ARHGAP25: variants seen among roughly 807,000 people sequenced by gnomAD.
ARHGAP25 encodes the protein Rho GTPase activating protein 25.
Under a neutral mutation model 71.0 loss-of-function variants are expected in ARHGAP25, and 34 were observed. The ratio of observed to expected loss-of-function variants is 0.48; its 90% CI spans 0.36 to 0.64. The LOEUF (loss-of-function observed/expected upper bound fraction) is 0.64. Among genes scored for constraint, ARHGAP25 ranks in the 30% least tolerant of loss-of-function variants. The pLI, the probability that ARHGAP25 is intolerant of heterozygous loss-of-function variation, is 0.00. For missense variants in ARHGAP25, 706 were observed against 805.1 expected, an observed-to-expected ratio of 0.88 and a Z score of 1.49; for synonymous variants, 282 against 296.5, an observed-to-expected ratio of 0.95 and a Z score of 0.50.
At chr2:68,754,908 G>A (rs1676388551) in intron 1 of ARHGAP25, among the ~76,000 whole-genome samples, 1 of 149,622 alleles carries the variant, frequency 6.7e-6, no homozygotes, top group African/African-American at 2.5e-5. Flanking sequence ...AAATTTTCTT[G>A]TTTTCTTATT....
intron 4 of ARHGAP25, among the ~76,000 whole-genome samples, chr2:68,793,780 AT>A (rs1159608818): frequency 1.3e-5 from 2 of 152,032 alleles, no homozygotes; most frequent in East Asian, 3.8e-4. Context: ...TTAAATATAA[AT>A]TTTAGGTTTT....
chr2:68,726,593 A>T (rs1411904822), intron 2 of ARHGAP25, among the ~76,000 whole-genome samples: 1 of 152,240 alleles, frequency 6.6e-6, no homozygotes, highest in Admixed American at 6.5e-5. Context: ...GCCTCCAGAT[A>T]TAAATTTTTT....
chr2:68,743,132 T>C (rs1675605018), intron 1 of ARHGAP25, among the ~76,000 whole-genome samples: 1 of 152,196 alleles, frequency 6.6e-6, no homozygotes, highest in Non-Finnish European at 1.5e-5. Flanking sequence ...CCTCAAACTT[T>C]CCTTGCTTTG....
At chr2:68,758,828 T>G (rs1454370832) in intron 1 of ARHGAP25, among the ~76,000 whole-genome samples, 1 of 151,924 alleles carries the variant, frequency 6.6e-6, no homozygotes, top group Non-Finnish European at 1.5e-5. Flanking sequence ...CACATGGATA[T>G]TTTCTAGGAT....
intron 9 of ARHGAP25, among the ~76,000 whole-genome samples, chr2:68,821,906 G>GTTTTTTTTTTTTT (rs59964574): frequency 9.8e-5 from 8 of 81,632 alleles, no homozygotes; most frequent in Non-Finnish European, 1.8e-4. Flanking sequence ...CTTTTTGCTA[G>GTTTTTTTTTTTTT]TTTTTTTTTT....
upstream of ARHGAP25, among the ~76,000 whole-genome samples, chr2:68,730,216 A>G (rs1051971912): frequency 3.3e-5 from 5 of 152,272 alleles, no homozygotes. Context: ...GAAGTAGGAA[A>G]CCAAGAATGG....
In ARHGAP25 at chr2:68,822,434, A is replaced by G; in HGVS notation, c.1295A>G (p.Asp432Gly). The G allele has an allele frequency of 6.2e-7, 1 of 1,614,198 alleles. No homozygotes were observed. ...SSKVPREKPGDWKMQSRKRTQ... is the reference protein window; with the variant it reads ...SSKVPREKPGGWKMQSRKRTQ... ...AAAGTACCCAGGGAAAAGCCAGGAGACTGGAAAATGCAATCTCGTAAAAGG... is the reference window on the plus strand; with the variant it reads ...AAAGTACCCAGGGAAAAGCCAGGAGGCTGGAAAATGCAATCTCGTAAAAGG... Residue 432 changes from aspartate to glycine, a missense_variant, in exon 10 of 11, where the codon GAC (aspartate) becomes GGC (glycine). Transcript: ENST00000409202.
intron 9 of ARHGAP25, among the ~76,000 whole-genome samples, chr2:68,821,212 G>A (rs1406024179): frequency 1.3e-5 from 2 of 148,556 alleles, no homozygotes; most frequent in South Asian, 2.1e-4. Context: ...CTTCGGCCTC[G>A]GCCTCCCAAG....
At chr2:68,723,880 CTT>C (rs966904139) in intron 2 of ARHGAP25, among the ~76,000 whole-genome samples, 8 of 151,844 alleles carry the variant, frequency 5.3e-5, no homozygotes, top group Non-Finnish European at 8.8e-5. Context: ...CTCTCTCTCT[CTT>C]TCTCTCTCGG....
chr2:68,796,957 G>T (rs4854519), intron 4 of ARHGAP25, among the ~76,000 whole-genome samples: 42,195 of 152,128 alleles, frequency 0.28, 6,627 homozygotes, highest in East Asian at 0.43. Flanking sequence ...AGTTTCAATG[G>T]GCTGTGTGGG....
chr2:68,803,039 G>C (rs1680122902), intron 4 of ARHGAP25, among the ~76,000 whole-genome samples: 1 of 151,852 alleles, frequency 6.6e-6, no homozygotes, highest in Non-Finnish European at 1.5e-5. Flanking sequence ...ATCTGGACCA[G>C]ATATGCAGAT....
intron 2 of ARHGAP25, among the ~76,000 whole-genome samples, chr2:68,711,995 A>C (rs969061550): frequency 2.0e-5 from 3 of 152,176 alleles, no homozygotes; most frequent in Non-Finnish European, 4.4e-5. Context: ...GTGTCTTTAT[A>C]GTAGAATGAT....
At chr2:68,823,994 T>C (rs1301419283) in intron 10 of ARHGAP25, among the ~76,000 whole-genome samples, 1 of 152,214 alleles carries the variant, frequency 6.6e-6, no homozygotes, top group African/African-American at 2.4e-5. Flanking sequence ...ATTCGTGGGC[T>C]CTTAGATTTA....
At chr2:68,771,278 C>T (rs72895987) in intron 1 of ARHGAP25, among the ~76,000 whole-genome samples, 2,699 of 152,232 alleles carry the variant, frequency 0.018, 68 homozygotes, top group African/African-American at 0.062. Context: ...CCACCTTTCC[C>T]CGCCCTGGTC....
intron 1 of ARHGAP25, among the ~76,000 whole-genome samples, chr2:68,770,210 A>C (rs1677395591): frequency 6.6e-6 from 1 of 152,086 alleles, no homozygotes; most frequent in African/African-American, 2.4e-5. Flanking sequence ...AAGTTTGATG[A>C]GGTGGTAAGC....
At chr2:68,718,532 TG>T (rs1674674215) in intron 2 of ARHGAP25, among the ~76,000 whole-genome samples, 1 of 16,404 alleles carries the variant, frequency 6.1e-5, no homozygotes, top group Non-Finnish European at 1.1e-4. Context: ...AATATATAAG[TG>T]TGTGTGTGTG....
At chr2:68,821,215 C>G (rs921592996) in intron 9 of ARHGAP25, among the ~76,000 whole-genome samples, 1 of 151,034 alleles carries the variant, frequency 6.6e-6, no homozygotes, top group Non-Finnish European at 1.5e-5. Context: ...CGGCCTCGGC[C>G]TCCCAAGTAG....
At chr2:68,754,675 G>A (rs1282451984) in intron 1 of ARHGAP25, among the ~76,000 whole-genome samples, 2 of 152,152 alleles carry the variant, frequency 1.3e-5, no homozygotes, top group African/African-American at 4.8e-5. Context: ...TCCCAGAGGG[G>A]CTGTATCATT....
In ARHGAP25 at chr2:68,825,963, ATTCTT is replaced by A. The variant is rs771944831; in HGVS notation, c.1734-17_1734-13del. The A allele has an allele frequency of 6.3e-7, 1 of 1,590,440 alleles. No homozygotes were observed. The highest frequency in any genetic ancestry group is 8.6e-7 in the Non-Finnish European group (1 of 1,162,756). On this transcript the variant is annotated intron_variant, in intron 10 of 10. Coordinates refer to ENST00000409202, the MANE Select transcript of ARHGAP25 (RefSeq NM_001007231.3). ...TCTAGAATGAATGCCACATTCTTTC[ATTCTT>A]TTCTTTCCTTCCTTGTAGCCTTGAG...
Sources: gnomAD v4.1 joint callset for allele counts (sites outside exome capture counted in the v4.1 genomes callset) on GRCh38, gnomAD v4.1.1 for gene constraint, MANE v1.5 for transcripts, NCBI Gene and HGNC (gene_info 2026-07-23, HGNC 2026-07-21) for gene names.